SEC61A1: variants seen among roughly 807,000 people sequenced by gnomAD.
The protein encoded by SEC61A1 is SEC61 translocon subunit alpha 1.
In SEC61A1, 15 loss-of-function variants were observed where a neutral mutation model predicts 55.2. The ratio of observed to expected loss-of-function variants is 0.27; its 90% confidence interval spans 0.18 to 0.42. SEC61A1 has a LOEUF of 0.42. Ranked by LOEUF, SEC61A1 falls within the 10% of genes least tolerant of loss-of-function variation. The pLI is 1.00. For synonymous variants in SEC61A1, 247 were observed against 234.0 expected (o/e 1.06, Z -0.51); for missense variants, 284 against 602.6 (o/e 0.47, Z 5.53).
chr3:128,064,903 G>T lies in SEC61A1; in HGVS notation c.643G>T (p.Ala215Ser). 1 of 1,611,162 alleles carries T rather than the reference G, an allele frequency of 6.2e-7. No individual in the cohort carries two copies. Among genetic ancestry groups the T allele is most frequent in the Non-Finnish European group, 8.5e-7 (1 of 1,178,264 alleles). The change falls in exon 8 of 12, where the codon GCA becomes TCA. Residue 215 changes from alanine (A) to serine (S), a missense_variant. Ala to Ser is a moderately conservative substitution (Grantham distance 99). Coordinates refer to ENST00000243253, the MANE Select transcript of SEC61A1 (RefSeq NM_013336.4). The stretch of plus-strand genomic sequence containing the variant: ...AATGGAATTTGAAGGTGCTATCATC[G>T]CACTTTTCCATCTGCTGGCCACACG... ...RGMEFEGAII[A>S]LFHLLATRTD... is the part of the protein sequence containing the mutation.
chr3:128,060,989 C>T (rs1489278193), intron 7 of SEC61A1, among the ~76,000 whole-genome samples: 4 of 152,092 alleles, frequency 2.6e-5, no homozygotes, highest in African/African-American at 7.2e-5. Context: ...GTTTTTTTAT[C>T]GTTAACATTG....
upstream of SEC61A1, chr3:128,052,225 C>T (rs957040482): frequency 7.8e-5 from 29 of 373,438 alleles, no homozygotes; most frequent in African/African-American, 6.2e-4. Context: ...AGCCGCACAC[C>T]CCCAGTCCCG....
chr3:128,052,758 C>T, intron 1 of SEC61A1, 77 bp from the exon 2 acceptor site: 1 of 1,513,096 alleles, frequency 6.6e-7, no homozygotes, highest in Non-Finnish European at 9.2e-7. Flanking sequence ...TCGTCGTGGG[C>T]AGAAGGCGTC....
upstream of SEC61A1, chr3:128,052,266 C>A (rs1941691879): frequency 7.4e-6 from 2 of 269,110 alleles, no homozygotes; most frequent in South Asian, 9.7e-5. Context: ...CCCTTCCCGA[C>A]AGGCCCCAGG....
At chr3:128,064,343 TA>T (rs1167270993) in intron 7 of SEC61A1, among the ~76,000 whole-genome samples, 1 of 152,082 alleles carries the variant, frequency 6.6e-6, no homozygotes, top group Admixed American at 6.6e-5. Context: ...CAATTAATTT[TA>T]AAAAGTGGAA....
intron 2 of SEC61A1, among the ~76,000 whole-genome samples, 155 bp downstream of exon 2, chr3:128,053,057 T>C (rs1363524662): frequency 1.3e-5 from 2 of 152,194 alleles, no homozygotes; most frequent in African/African-American, 4.8e-5. Context: ...CGGAGAGCTG[T>C]CGAAAGGTGA....
intron 7 of SEC61A1, among the ~76,000 whole-genome samples, chr3:128,064,335 A>G (rs548103187): frequency 5.3e-5 from 8 of 152,096 alleles, no homozygotes; most frequent in Admixed American, 6.6e-5. Context: ...AATGAGACCA[A>G]TTAATTTTAA....
At chr3:128,052,746 A>T in intron 1 of SEC61A1, 89 bp from the exon 2 acceptor site, 3 of 1,500,146 alleles carry the variant, frequency 2.0e-6, no homozygotes, top group Non-Finnish European at 2.8e-6. Context: ...CCCTGCTCTC[A>T]CTCGTCGTGG....
At chr3:128,058,465 C>T (rs1432834042) in intron 5 of SEC61A1, among the ~76,000 whole-genome samples, 3 of 152,304 alleles carry the variant, frequency 2.0e-5, no homozygotes, top group African/African-American at 7.2e-5. Context: ...CCGCCCGCCT[C>T]AGGCTCCCAA....
chr3:128,052,817 T>A lies in SEC61A1; in HGVS notation c.8-18T>A. 2 of 1,610,580 alleles carry A rather than the reference T, an allele frequency of 1.2e-6. No individual in the cohort carries two copies. The highest frequency in any genetic ancestry group is 3.3e-4 in the Middle Eastern group (2 of 6,058). ...TCTCTGTGTCCCAACTCTTCCTGTT[T>A]TGTTTCTCCCATCAAAGTCAAATTT... On this transcript the variant is annotated intron_variant, in intron 1 of 11. Transcript: ENST00000243253.
At position 128,064,781 on chromosome 3, in the gene SEC61A1, G is replaced by A. The variant is rs767432949; in HGVS notation, c.617-96G>A. ...GGGCACCATGAGTCTAATAACTTAAGTTTGTTTTCCTCTTTTTATTTGTCT... is the reference window on the plus strand; with the variant it reads ...GGGCACCATGAGTCTAATAACTTAAATTTGTTTTCCTCTTTTTATTTGTCT... On this transcript the variant is annotated intron_variant, in intron 7 of 11. Coordinates refer to ENST00000243253, the MANE Select transcript of SEC61A1 (RefSeq NM_013336.4). 75 of 1,138,658 alleles carry A rather than the reference G, an allele frequency of 6.6e-5. 1 individual carries two copies. The highest frequency in any genetic ancestry group is 2.1e-4 in the South Asian group (14 of 65,348). 70.5% of individuals were successfully genotyped at this position (1,138,658 alleles called of 1,614,324 possible). A position where few individuals can be genotyped will look rare whatever the true frequency, so the allele number is the denominator to read the frequency against.
chr3:128,061,155 T>A (rs1338453984), intron 7 of SEC61A1, among the ~76,000 whole-genome samples: 1 of 152,238 alleles, frequency 6.6e-6, no homozygotes, highest in Non-Finnish European at 1.5e-5. Context: ...GCACCTGCGT[T>A]CAAATCCTGG....
rs1433192840 is a variant in SEC61A1 at position 128,060,761 on chromosome 3, A to G, written c.616+100A>G. The G allele has an allele frequency of 5.6e-6, 7 of 1,257,614 alleles. No homozygotes were observed. The Admixed American group carries it at 8.4e-5, about 15-fold the overall frequency. 77.9% of individuals were successfully genotyped at this position (1,257,614 alleles called of 1,614,324 possible). A position where few individuals can be genotyped will look rare whatever the true frequency, so the allele number is the denominator to read the frequency against. The stretch of plus-strand genomic sequence containing the variant: ...AATCCCCCCATTCCACAGAAAAATA[A>G]TGTCAGTTTTAGGTTTATCTCTTCT... On this transcript the variant is annotated intron_variant, in intron 7 of 11. Transcript: ENST00000243253.
intron 11 of SEC61A1, 148 bp downstream of exon 11, chr3:128,068,207 T>G: frequency 1.6e-6 from 1 of 636,694 alleles, no homozygotes; most frequent in South Asian, 1.9e-5. Flanking sequence ...TATATATTTA[T>G]AAACTTGCTA....
At chr3:128,054,212 A>G (rs1941736147) in intron 2 of SEC61A1, among the ~76,000 whole-genome samples, 1 of 152,232 alleles carries the variant, frequency 6.6e-6, no homozygotes, top group South Asian at 2.1e-4. Flanking sequence ...GCTACTAAGA[A>G]GCAGAGGAGA....
At chr3:128,062,169 A>G (rs554380204) in intron 7 of SEC61A1, among the ~76,000 whole-genome samples, 3 of 152,228 alleles carry the variant, frequency 2.0e-5, no homozygotes, top group East Asian at 1.9e-4. Context: ...CAGTGTGTCT[A>G]CATGTCAGTT....
chr3:128,061,725 C>G (rs1361123269), intron 7 of SEC61A1, among the ~76,000 whole-genome samples: 2 of 152,152 alleles, frequency 1.3e-5, no homozygotes, highest in Non-Finnish European at 2.9e-5. Flanking sequence ...TTGGGAGAAG[C>G]AGGTCCAGAA....
At position 128,052,459 on chromosome 3, in the gene SEC61A1, C is replaced by T. The variant is rs1430842996; in HGVS notation, c.-94C>T. 1 of 1,507,392 alleles carries T rather than the reference C, an allele frequency of 6.6e-7. No homozygotes were observed. The highest frequency in any genetic ancestry group is 2.6e-5 in the East Asian group (1 of 39,094). The allele number at this position is 1,507,392 out of a possible 1,614,324, so 93.4% of individuals were successfully genotyped here. The stretch of plus-strand genomic sequence containing the variant: ...ACTGACGTGTCTCTCGGCGGAGCTG[C>T]TGTGCAGTGGAACGCGCTGGGCCGC... On this transcript the variant is annotated 5_prime_UTR_variant, in exon 1 of 12. Transcript: ENST00000243253.
chr3:128,066,871 G>A, intron 8 of SEC61A1, 83 bp from the exon 9 acceptor site: 1 of 1,375,306 alleles, frequency 7.3e-7, no homozygotes, highest in Non-Finnish European at 1.0e-6. Context: ...TGGCCCACTG[G>A]ACAGTCCCCG....
Sources: gnomAD v4.1 joint callset for allele counts (sites outside exome capture counted in the v4.1 genomes callset) on GRCh38, gnomAD v4.1.1 for gene constraint, MANE v1.5 for transcripts, NCBI Gene and HGNC (gene_info 2026-07-23, HGNC 2026-07-21) for gene names.